PLEKHA5: variants seen among roughly 807,000 people sequenced by gnomAD.
PLEKHA5 encodes the protein pleckstrin homology domain-containing family A member 5.
Under a neutral mutation model 181.9 loss-of-function variants are expected in PLEKHA5, and 55 were observed. The ratio of observed to expected loss-of-function variants is 0.30; its 90% CI spans 0.24 to 0.38. PLEKHA5 has a LOEUF of 0.38. Among genes scored for constraint, PLEKHA5 ranks in the 10% least tolerant of loss-of-function variants. The probability of loss-of-function intolerance (pLI) is 1.00; values close to 1 mark genes in which losing one functional copy is unlikely to be tolerated. For missense variants in PLEKHA5, 1,432 were observed against 1,549.5 expected, an observed-to-expected ratio of 0.92 and a Z score of 1.27; for synonymous variants, 535 against 529.4, an observed-to-expected ratio of 1.01 and a Z score of -0.15.
chr12:19,308,581 C>A (rs899114664), intron 15 of PLEKHA5, among the ~76,000 whole-genome samples: 1 of 152,092 alleles, frequency 6.6e-6, no homozygotes, highest in Non-Finnish European at 1.5e-5. Context: ...ACATTACTTA[C>A]AGAGTTTTAT....
rs962029016 is a variant in PLEKHA5 at position 19,183,824 on chromosome 12, C to T, written c.227+51374C>T. On this transcript the variant is annotated intron_variant, in intron 3 of 31. Transcript: ENST00000429027. ...TGCCTGCCAGGTTCAAACGATTCTC[C>T]TGCCTCAGCCTCCCGAGTAGGTGGG... Among the ~76,000 whole-genome samples the T allele has an allele frequency of 5.3e-5, 8 of 152,178 alleles. 1 individual carries two copies. Among genetic ancestry groups the T allele is most frequent in the Non-Finnish European group, 1.5e-5 (1 of 68,030 alleles).
chr12:19,308,871 A>G (rs1181943400), intron 15 of PLEKHA5, among the ~76,000 whole-genome samples: 1 of 151,464 alleles, frequency 6.6e-6, no homozygotes, highest in East Asian at 1.9e-4. Flanking sequence ...AACATGGCGA[A>G]ACCTTGTCTC....
At chr12:19,348,161 G>T (rs1357069793) in intron 24 of PLEKHA5, among the ~76,000 whole-genome samples, 2 of 152,116 alleles carry the variant, frequency 1.3e-5, no homozygotes, top group Admixed American at 1.3e-4. Context: ...GAGATTACAG[G>T]TGTGAGCCAC....
chr12:19,354,774 G>T (rs192908297), intron 26 of PLEKHA5, among the ~76,000 whole-genome samples: 11 of 152,102 alleles, frequency 7.2e-5, no homozygotes, highest in Non-Finnish European at 7.4e-5. Flanking sequence ...GAGCCACCGC[G>T]CCCGGCCTTA....
intron 26 of PLEKHA5, 41 bp from the exon 27 acceptor site, chr12:19,358,187 G>T: frequency 2.2e-6 from 3 of 1,345,268 alleles, no homozygotes; most frequent in Non-Finnish European, 3.2e-6. Flanking sequence ...CTTTTCAGAA[G>T]TTTTCATTTA....
At chr12:19,214,247 T>A (rs1239047605) in intron 3 of PLEKHA5, among the ~76,000 whole-genome samples, 1 of 151,568 alleles carries the variant, frequency 6.6e-6, no homozygotes, top group Admixed American at 6.6e-5. Flanking sequence ...GAGAGGGGAG[T>A]GTTAACTGTC....
chr12:19,261,551 C>T (rs1286849175), intron 7 of PLEKHA5, among the ~76,000 whole-genome samples: 2 of 152,074 alleles, frequency 1.3e-5, no homozygotes, highest in African/African-American at 2.4e-5. Context: ...ATGTTTCATA[C>T]ACCACATGGA....
rs2074057714 is a variant in PLEKHA5 at position 19,274,848 on chromosome 12, G to A, written c.1178G>A (p.Arg393Lys). The A allele has an allele frequency of 6.2e-7, 1 of 1,613,998 alleles. No individual in the cohort carries two copies. The change falls in exon 11 of 32, where the codon AGA (arginine) becomes AAA (lysine). Residue 393 changes from arginine (R) to lysine (K), a missense_variant. By Grantham distance (26) the Arg-to-Lys change is conservative. This residue lies in a region of PLEKHA5 where 1,143 missense variants were observed against 1,168.4 expected (regional missense o/e 0.98). Coordinates refer to ENST00000429027, the MANE Select transcript of PLEKHA5 (RefSeq NM_001256470.2). The part of the protein sequence containing the change: ...KIVNVSLADL[R>K]GGNRPNTGPL... ...GTCAATGTTAGCCTGGCAGATCTTA[G>A]AGGTGGAAATCGCCCCAATACAGGG... is the stretch of plus-strand genomic sequence containing the variant.
chr12:19,337,213 C>G (rs1187522432), intron 21 of PLEKHA5, among the ~76,000 whole-genome samples: 1 of 151,840 alleles, frequency 6.6e-6, no homozygotes, highest in East Asian at 1.9e-4. Flanking sequence ...GCAAACAGAT[C>G]TGAGACCTAG....
At chr12:19,285,520 C>T (rs754708978) in intron 12 of PLEKHA5, among the ~76,000 whole-genome samples, 1 of 152,212 alleles carries the variant, frequency 6.6e-6, no homozygotes, top group African/African-American at 2.4e-5. Context: ...GGTTCCCTCC[C>T]ATGACCGTTT....
chr12:19,161,156 C>T (rs2042874625), intron 3 of PLEKHA5, among the ~76,000 whole-genome samples: 1 of 152,052 alleles, frequency 6.6e-6, no homozygotes, highest in African/African-American at 2.4e-5. Flanking sequence ...TGAATAAAGG[C>T]ATTAGAACAA....
chr12:19,139,179 G>C (rs1243497281), intron 3 of PLEKHA5, among the ~76,000 whole-genome samples: 1 of 152,034 alleles, frequency 6.6e-6, no homozygotes, highest in East Asian at 1.9e-4. Flanking sequence ...GAGGTTGACA[G>C]AAAAAAAGAG....
chr12:19,189,539 A>G (rs539165083), intron 3 of PLEKHA5, among the ~76,000 whole-genome samples: 1 of 152,140 alleles, frequency 6.6e-6, no homozygotes, highest in Non-Finnish European at 1.5e-5. Context: ...GCAGGGGGTC[A>G]GGGAGGAGTT....
intron 7 of PLEKHA5, among the ~76,000 whole-genome samples, chr12:19,264,685 CATTT>C (rs2069708163): frequency 6.6e-6 from 1 of 152,128 alleles, no homozygotes; most frequent in Non-Finnish European, 1.5e-5. Context: ...AAAAAGCCTC[CATTT>C]AATGTAACTT....
At chr12:19,166,175 A>C (rs2151572556) in intron 3 of PLEKHA5, among the ~76,000 whole-genome samples, 1 of 152,242 alleles carries the variant, frequency 6.6e-6, no homozygotes, top group African/African-American at 2.4e-5. Flanking sequence ...TGGGCTTCTA[A>C]AATAGTAACA....
At chr12:19,306,532 C>A in intron 15 of PLEKHA5, 1 of 743,718 alleles carries the variant, frequency 1.3e-6, no homozygotes, top group South Asian at 1.4e-5. Flanking sequence ...GGGAGAACGC[C>A]GCGAGCAGCG....
At chr12:19,171,708 G>A (rs1212089265) in intron 3 of PLEKHA5, among the ~76,000 whole-genome samples, 1 of 152,168 alleles carries the variant, frequency 6.6e-6, no homozygotes, top group Admixed American at 6.5e-5. Context: ...CTTGACTCTT[G>A]TAATAACAAT....
chr12:19,132,862 G>T (rs1346651929), intron 3 of PLEKHA5, among the ~76,000 whole-genome samples: 1 of 103,458 alleles, frequency 9.7e-6, no homozygotes. Context: ...TTAAAGTTTT[G>T]ATCTTTGATT....
intron 3 of PLEKHA5, among the ~76,000 whole-genome samples, chr12:19,145,783 C>T (rs1248154145): frequency 6.6e-6 from 1 of 151,722 alleles, no homozygotes; most frequent in Admixed American, 6.6e-5. Context: ...TTTTATAAAA[C>T]AACTATTTAG....
Sources: gnomAD v4.1 joint callset for allele counts (sites outside exome capture counted in the v4.1 genomes callset) on GRCh38, gnomAD v4.1.1 for gene constraint, gnomAD v4.1.1 regional missense constraint, MANE v1.5 for transcripts, NCBI Gene and HGNC (gene_info 2026-07-23, HGNC 2026-07-21) for gene names.